Variants in TLL1 observed in about 807,000 individuals in gnomAD.
The protein encoded by TLL1 is tolloid like 1.
Under a neutral mutation model 128.2 loss-of-function variants are expected in TLL1, and 49 were observed. The ratio of observed to expected loss-of-function variants is 0.38; its 90% confidence interval spans 0.30 to 0.48. The LOEUF (loss-of-function observed/expected upper bound fraction) is 0.48. TLL1 is among the 20% of genes least tolerant of loss of function. The pLI, the probability that TLL1 is intolerant of heterozygous loss-of-function variation, is 0.96. For synonymous variants in TLL1, 454 were observed against 418.8 expected (o/e 1.08, Z -1.03); for missense variants, 1,123 against 1,242.0 (o/e 0.90, Z 1.44).
chr4:166,029,350 C>T (rs749642122), intron 9 of TLL1, among the ~76,000 whole-genome samples: 2 of 151,868 alleles, frequency 1.3e-5, no homozygotes, highest in Non-Finnish European at 2.9e-5. Flanking sequence ...TAAGATTATT[C>T]GCTTTTTATA....
intron 18 of TLL1, among the ~76,000 whole-genome samples, chr4:166,086,996 C>T (rs1473355192): frequency 2.6e-5 from 4 of 152,112 alleles, no homozygotes; most frequent in Admixed American, 2.6e-4. Flanking sequence ...AAAAAGTCTT[C>T]TTGCTAGAAA....
At chr4:165,995,993 G>A (rs769732772) in intron 5 of TLL1, among the ~76,000 whole-genome samples, 7 of 151,420 alleles carry the variant, frequency 4.6e-5, no homozygotes, top group African/African-American at 9.7e-5. Flanking sequence ...CCCATTTCAC[G>A]TGTTTTATCC....
At chr4:165,885,047 C>G (rs1164280368) in intron 1 of TLL1, among the ~76,000 whole-genome samples, 1 of 151,960 alleles carries the variant, frequency 6.6e-6, no homozygotes, top group Non-Finnish European at 1.5e-5. Context: ...AATCTTTATT[C>G]TTTTTACTTC....
intron 18 of TLL1, among the ~76,000 whole-genome samples, chr4:166,090,898 A>G (rs991838155): frequency 3.3e-5 from 5 of 152,076 alleles, no homozygotes; most frequent in African/African-American, 1.2e-4. Context: ...ATTGGTTTTA[A>G]TAGCCAAATA....
At chr4:165,894,287 T>A (rs1209913181) in intron 1 of TLL1, among the ~76,000 whole-genome samples, 1 of 152,040 alleles carries the variant, frequency 6.6e-6, no homozygotes, top group Non-Finnish European at 1.5e-5. Flanking sequence ...AATTCAGTGA[T>A]AAAGAGAAAA....
chr4:165,954,352 T>A (rs77465016), intron 1 of TLL1, among the ~76,000 whole-genome samples: 3,602 of 152,186 alleles, frequency 0.024, 141 homozygotes, highest in African/African-American at 0.08. Flanking sequence ...AATGAAGATT[T>A]TTTATGATTC....
At chr4:165,937,069 C>A (rs1352366968) in intron 1 of TLL1, among the ~76,000 whole-genome samples, 1 of 152,008 alleles carries the variant, frequency 6.6e-6, no homozygotes, top group African/African-American at 2.4e-5. Context: ...TGCAATTATC[C>A]AATATGATTT....
chr4:165,965,167 A>G (rs1001419450), intron 1 of TLL1, among the ~76,000 whole-genome samples: 3 of 152,170 alleles, frequency 2.0e-5, no homozygotes, highest in Admixed American at 6.5e-5. Flanking sequence ...ATTAAATTCT[A>G]AATATAGGTA....
At chr4:166,072,062 A>G (rs1740822591) in intron 16 of TLL1, among the ~76,000 whole-genome samples, 1 of 151,974 alleles carries the variant, frequency 6.6e-6, no homozygotes, top group Non-Finnish European at 1.5e-5. Context: ...TATTTGACAC[A>G]TGGAGGCACA....
chr4:165,889,096 G>T (rs1172871037), intron 1 of TLL1, among the ~76,000 whole-genome samples: 3 of 152,164 alleles, frequency 2.0e-5, no homozygotes, highest in African/African-American at 7.2e-5. Flanking sequence ...ATTGAGTTAT[G>T]CAGGAAGCTC....
intron 13 of TLL1, among the ~76,000 whole-genome samples, chr4:166,055,524 A>T (rs78407595): frequency 0.05 from 7,549 of 152,252 alleles, 235 homozygotes; most frequent in African/African-American, 0.068. Flanking sequence ...CAAGTTCCAG[A>T]AAAGGATATA....
chr4:166,021,112 A>G (rs1175537324), intron 8 of TLL1, among the ~76,000 whole-genome samples: 1 of 152,174 alleles, frequency 6.6e-6, no homozygotes, highest in African/African-American at 2.4e-5. Context: ...TCAATTACTT[A>G]ATTCATAGTT....
At chr4:166,085,322 G>C (rs148781811) in intron 18 of TLL1, among the ~76,000 whole-genome samples, 1,675 of 151,342 alleles carry the variant, frequency 0.011, 8 homozygotes, top group Non-Finnish European at 0.018. Flanking sequence ...ATACTGAATA[G>C]AAGTGGTGAG....
chr4:166,060,006 T>TTTTTC lies in TLL1; in HGVS notation c.1847-9_1847-5dup, dbSNP rs756059351. 1,058 of 1,612,968 alleles carry TTTTTC rather than the reference T, an allele frequency of 6.6e-4. 1 individual carries two copies. The highest frequency in any genetic ancestry group is 1.2e-3 in the Admixed American group (71 of 59,950). On this transcript the variant is annotated intron_variant, in intron 14 of 20. Transcript: ENST00000061240. The stretch of plus-strand genomic sequence containing the variant: ...GGTGACTTCATGGGGAGAATATACC[T>TTTTTC]TTTTCTTTTCTTTTCTTCTAGCTGC...
chr4:165,874,089 G>A lies in TLL1; in HGVS notation c.169+16G>A. 1 of 1,613,972 alleles carries A rather than the reference G, an allele frequency of 6.2e-7. No individual in the cohort carries two copies. The highest frequency in any genetic ancestry group is 8.5e-7 in the Non-Finnish European group (1 of 1,179,922). On this transcript the variant is annotated intron_variant, in intron 1 of 20. Transcript: ENST00000061240. The stretch of plus-strand genomic sequence containing the variant: ...TGTAAAGCCGGTAAGTGGCTCTCCA[G>A]GTTGGGACGGTGGCGCGCCGGGGGC...
At position 165,993,504 on chromosome 4, in the gene TLL1, GA is replaced by G. The variant is rs201112797; in HGVS notation, c.361+622del. On this transcript the variant is annotated intron_variant, in intron 3 of 20. Coordinates refer to ENST00000061240, the MANE Select transcript of TLL1 (RefSeq NM_012464.5). ...TTGATGGATTACTAATTAAATGCTTGAAGTACATATTTCCAAGGAATAATTT... is the reference window on the plus strand; with the variant it reads ...TTGATGGATTACTAATTAAATGCTTGAGTACATATTTCCAAGGAATAATTT... Among the ~76,000 whole-genome samples the G allele has an allele frequency of 9.1e-3, 1,378 of 152,104 alleles. 13 individuals are homozygous for G. Among genetic ancestry groups the G allele is most frequent in the African/African-American group, 0.031 (1,275 of 41,528 alleles).
intron 1 of TLL1, among the ~76,000 whole-genome samples, chr4:165,945,902 A>G (rs1734224676): frequency 6.6e-6 from 1 of 152,140 alleles, no homozygotes; most frequent in Non-Finnish European, 1.5e-5. Context: ...ACACGTTAAA[A>G]CTGAGGGATT....
At chr4:166,090,059 A>T (rs1741691637) in intron 18 of TLL1, among the ~76,000 whole-genome samples, 4 of 152,122 alleles carry the variant, frequency 2.6e-5, no homozygotes, top group Admixed American at 2.6e-4. Context: ...TGATCACTTC[A>T]GTAAAACTGT....
At chr4:166,088,455 C>T (rs998857614) in intron 18 of TLL1, among the ~76,000 whole-genome samples, 2 of 151,944 alleles carry the variant, frequency 1.3e-5, no homozygotes, top group Non-Finnish European at 2.9e-5. Context: ...ATGGAAGGTT[C>T]TCTGTGTGGG....
Sources: gnomAD v4.1 joint callset for allele counts (sites outside exome capture counted in the v4.1 genomes callset) on GRCh38, gnomAD v4.1.1 for gene constraint, MANE v1.5 for transcripts, NCBI Gene and HGNC (gene_info 2026-07-23, HGNC 2026-07-21) for gene names.